FRMD4A: variants seen among roughly 807,000 people sequenced by gnomAD.
FRMD4A encodes FERM domain-containing protein 4A.
Under a neutral mutation model 129.1 loss-of-function variants are expected in FRMD4A, and 29 were observed. The ratio of observed to expected loss-of-function variants is 0.22; its 90% CI spans 0.17 to 0.31. The LOEUF (loss-of-function observed/expected upper bound fraction) is 0.31, where lower values mean the gene tolerates loss of function less well. Among genes scored for constraint, FRMD4A ranks in the 10% least tolerant of loss-of-function variants. The probability of loss-of-function intolerance (pLI) is 1.00; values close to 1 mark genes in which losing one functional copy is unlikely to be tolerated. For missense variants in FRMD4A, 1,272 were observed against 1,375.8 expected (o/e 0.92, Z 1.19); for synonymous variants, 634 against 571.6 (o/e 1.11, Z -1.56).
intron 22 of FRMD4A, chr10:13,655,220 A>C (rs1030279023): frequency 6.6e-6 from 1 of 152,212 alleles, no homozygotes; most frequent in Non-Finnish European, 1.5e-5. Flanking sequence ...TAAACCTCAG[A>C]TACAGCTTAA....
chr10:14,045,832 G>A (rs1009964590), intron 2 of FRMD4A, among the ~76,000 whole-genome samples: 2 of 144,414 alleles, frequency 1.4e-5, no homozygotes, highest in African/African-American at 2.5e-5. Context: ...ATATATAATT[G>A]CCTACAAATA....
At chr10:14,116,584 G>C (rs1838210287) in intron 2 of FRMD4A, among the ~76,000 whole-genome samples, 1 of 152,104 alleles carries the variant, frequency 6.6e-6, no homozygotes, top group African/African-American at 2.4e-5. Flanking sequence ...ACAATCACAG[G>C]GTCTGGGGGC....
intron 4 of FRMD4A, among the ~76,000 whole-genome samples, chr10:13,798,338 G>A (rs1039990222): frequency 1.3e-5 from 2 of 152,126 alleles, no homozygotes; most frequent in Non-Finnish European, 2.9e-5. Flanking sequence ...CTTGAACCCG[G>A]GAGATGGAGG....
At chr10:13,689,247 G>A (rs1279921079) in intron 15 of FRMD4A, among the ~76,000 whole-genome samples, 1 of 129,582 alleles carries the variant, frequency 7.7e-6, no homozygotes, top group Non-Finnish European at 1.6e-5. Flanking sequence ...AAAATGCTGT[G>A]TATAGTACCT....
intron 2 of FRMD4A, among the ~76,000 whole-genome samples, chr10:13,962,233 G>C (rs1029695859): frequency 3.3e-5 from 5 of 152,148 alleles, no homozygotes; most frequent in Non-Finnish European, 5.9e-5. Context: ...AATGTCTAAA[G>C]TGTGGCTGTT....
At chr10:13,996,720 C>T (rs1213414985) in intron 2 of FRMD4A, among the ~76,000 whole-genome samples, 3 of 152,180 alleles carry the variant, frequency 2.0e-5, no homozygotes, top group Admixed American at 6.5e-5. Flanking sequence ...CTTTCCTTCA[C>T]CCTAATTGGC....
At chr10:13,927,520 T>C (rs753857087) in intron 2 of FRMD4A, among the ~76,000 whole-genome samples, 1 of 152,212 alleles carries the variant, frequency 6.6e-6, no homozygotes, top group Non-Finnish European at 1.5e-5. Context: ...ATTCAAGTGG[T>C]TTCTGCCTTT....
At chr10:14,152,750 G>C (rs1840403611) in intron 2 of FRMD4A, among the ~76,000 whole-genome samples, 2 of 152,146 alleles carry the variant, frequency 1.3e-5, no homozygotes, top group Non-Finnish European at 2.9e-5. Context: ...TGAGGAGGGA[G>C]GATCGCTTGA....
intron 2 of FRMD4A, among the ~76,000 whole-genome samples, chr10:14,167,643 G>T (rs577895892): frequency 1.3e-5 from 2 of 152,034 alleles, no homozygotes; most frequent in African/African-American, 4.8e-5. Context: ...ATACGTGGGG[G>T]CTTAGAGTGT....
At chr10:13,930,171 T>C (rs1160912791) in intron 2 of FRMD4A, among the ~76,000 whole-genome samples, 1 of 152,210 alleles carries the variant, frequency 6.6e-6, no homozygotes, top group Non-Finnish European at 1.5e-5. Flanking sequence ...ACTATGTATT[T>C]GTGGAGGACT....
In FRMD4A at chr10:13,659,455, G is replaced by C. The variant is rs761744380; in HGVS notation, c.1934C>G (p.Ala645Gly). ...GGAGTTGCTTCCTCCGCCGGCTTCC[G>C]CACAGCTTCCTGTGCTGGGGAAGCG... ...HKRFPSTGSCAEAGGGSNSLQ... is the reference protein window; with the variant it reads ...HKRFPSTGSCGEAGGGSNSLQ... The change falls in exon 21 of 25, where the codon GCG becomes GGG. Residue 645 changes from alanine to glycine, a missense_variant. By Grantham distance (60) the Ala-to-Gly change is moderately conservative. Transcript: ENST00000357447. 2 of 1,613,534 alleles carry C rather than the reference G, an allele frequency of 1.2e-6. No individual in the cohort carries two copies. The highest frequency in any genetic ancestry group is 2.2e-5 in the East Asian group (1 of 44,896).
intron 2 of FRMD4A, among the ~76,000 whole-genome samples, chr10:13,957,260 T>C (rs1232581170): frequency 6.6e-6 from 1 of 152,212 alleles, no homozygotes; most frequent in Admixed American, 6.5e-5. Context: ...CCCTTCCTTT[T>C]TGTTTTTTGT....
At chr10:14,017,562 T>A (rs1259764606) in intron 2 of FRMD4A, among the ~76,000 whole-genome samples, 1 of 152,220 alleles carries the variant, frequency 6.6e-6, no homozygotes, top group Non-Finnish European at 1.5e-5. Flanking sequence ...AACTTTTACA[T>A]CTGTTTCTAA....
chr10:13,678,945 A>G (rs984904089), intron 15 of FRMD4A, among the ~76,000 whole-genome samples: 3 of 152,136 alleles, frequency 2.0e-5, no homozygotes, highest in Admixed American at 6.6e-5. Context: ...TTGAAGCTAT[A>G]CAATACCCTA....
chr10:13,835,954 G>C (rs1228089439), intron 3 of FRMD4A, among the ~76,000 whole-genome samples: 1 of 152,120 alleles, frequency 6.6e-6, no homozygotes, highest in Non-Finnish European at 1.5e-5. Context: ...TAAGTATTTA[G>C]AGAGTGTCTA....
At chr10:13,958,680 G>C (rs1468526721) in intron 2 of FRMD4A, among the ~76,000 whole-genome samples, 1 of 151,550 alleles carries the variant, frequency 6.6e-6, no homozygotes, top group Non-Finnish European at 1.5e-5. Context: ...CCGCCTCCCA[G>C]GTTTAAGCGA....
Position 14,009,553 on chromosome 10 carries a change from G to A in FRMD4A, c.46-150641C>T, listed in dbSNP as rs143370060. On this transcript the variant is annotated intron_variant, in intron 2 of 24. Transcript: ENST00000357447. Reference sequence around the variant, plus strand: ...TATTCAAACACACCTAATAGGAAATGGGGGTGGGGTGCGAAGGAAAGAAGC... The same window carrying A: ...TATTCAAACACACCTAATAGGAAATAGGGGTGGGGTGCGAAGGAAAGAAGC... Among the ~76,000 whole-genome samples the A allele has an allele frequency of 4.2e-3, 635 of 152,308 alleles. 1 individual carries two copies. The highest frequency in any genetic ancestry group is 0.02 in the Middle Eastern group (6 of 294).
At chr10:13,964,666 C>G (rs1234371254) in intron 2 of FRMD4A, among the ~76,000 whole-genome samples, 1 of 128,744 alleles carries the variant, frequency 7.8e-6, no homozygotes, top group Non-Finnish European at 1.6e-5. Flanking sequence ...ACTAATGCCT[C>G]TTCTTTTGTT....
chr10:13,768,974 A>G (rs2130728803), intron 6 of FRMD4A, among the ~76,000 whole-genome samples: 2 of 148,962 alleles, frequency 1.3e-5, no homozygotes, highest in Admixed American at 1.4e-4. Flanking sequence ...ATTTATAGGA[A>G]ACTTTACTAG....
Sources: allele counts gnomAD v4.1 joint callset (sites outside exome capture counted in the v4.1 genomes callset), GRCh38; gene constraint gnomAD v4.1.1; transcripts MANE v1.5; gene names NCBI Gene and HGNC (gene_info 2026-07-23, HGNC 2026-07-21).